CADPS2: variants seen among roughly 807,000 people sequenced by gnomAD.
CADPS2 encodes calcium-dependent secretion activator 2.
Under a neutral mutation model 172.5 loss-of-function variants are expected in CADPS2, and 93 were observed. The ratio of observed to expected loss-of-function variants is 0.54; its 90% CI spans 0.46 to 0.64. CADPS2 has a LOEUF of 0.64. Among genes scored for constraint, CADPS2 ranks in the 30% least tolerant of loss-of-function variants. CADPS2 has a pLI of 0.00. For missense variants in CADPS2, 1,420 were observed against 1,565.9 expected (o/e 0.91, Z 1.57); for synonymous variants, 546 against 555.2 (o/e 0.98, Z 0.23).
chr7:122,435,496 A>G (rs746650600), intron 17 of CADPS2, among the ~76,000 whole-genome samples: 1 of 152,124 alleles, frequency 6.6e-6, no homozygotes, highest in Non-Finnish European at 1.5e-5. Flanking sequence ...ATTTAAAATG[A>G]ACAAACAAAC....
At chr7:122,781,077 T>A (rs1792583340) in intron 1 of CADPS2, among the ~76,000 whole-genome samples, 1 of 152,204 alleles carries the variant, frequency 6.6e-6, no homozygotes, top group Admixed American at 6.5e-5. Flanking sequence ...TATTAATTAA[T>A]ACTTTCTTAC....
intron 1 of CADPS2, among the ~76,000 whole-genome samples, chr7:122,759,852 A>T (rs556383968): frequency 3.9e-5 from 6 of 152,234 alleles, no homozygotes; most frequent in Non-Finnish European, 8.8e-5. Context: ...TAGCTAGCAA[A>T]GGAAGAAGCA....
chr7:122,512,427 G>A (rs1248417823), intron 9 of CADPS2, among the ~76,000 whole-genome samples: 1 of 151,974 alleles, frequency 6.6e-6, no homozygotes, highest in Non-Finnish European at 1.5e-5. Flanking sequence ...GATTTATCAT[G>A]GACTGGAATG....
intron 2 of CADPS2, among the ~76,000 whole-genome samples, chr7:122,720,411 T>C (rs1001555476): frequency 1.3e-5 from 2 of 150,484 alleles, no homozygotes; most frequent in African/African-American, 2.4e-5. Context: ...GATAACTTAA[T>C]AGAGGTTTGT....
chr7:122,404,529 A>T (rs1014039576), intron 20 of CADPS2, among the ~76,000 whole-genome samples: 1 of 152,178 alleles, frequency 6.6e-6, no homozygotes, highest in Non-Finnish European at 1.5e-5. Flanking sequence ...TGCTGGGTCA[A>T]ATAGTATTTC....
intron 29 of CADPS2, among the ~76,000 whole-genome samples, chr7:122,323,873 T>TTTTATATA (rs1390141913): frequency 1.2e-4 from 13 of 112,520 alleles, no homozygotes; most frequent in Admixed American, 3.5e-4. Flanking sequence ...TATGTATATT[T>TTTTATATA]TATATATATA....
chr7:122,669,625 T>C (rs138396641), intron 2 of CADPS2, among the ~76,000 whole-genome samples: 109 of 152,030 alleles, frequency 7.2e-4, no homozygotes, highest in African/African-American at 2.5e-3. Flanking sequence ...CTCTTGGCCC[T>C]ACGTGTAGAG....
intron 4 of CADPS2, among the ~76,000 whole-genome samples, chr7:122,622,096 A>G (rs1368643786): frequency 6.6e-6 from 1 of 152,210 alleles, no homozygotes; most frequent in Non-Finnish European, 1.5e-5. Context: ...TCTATAAAAA[A>G]ATGTTCAGGA....
At chr7:122,431,924 C>CGGGGGT (rs1314885829) in intron 17 of CADPS2, among the ~76,000 whole-genome samples, 340 of 3,568 alleles carry the variant, frequency 0.095, 2 homozygotes, top group Non-Finnish European at 0.12. Flanking sequence ...TCATCGGGGG[C>CGGGGGT]GGGGGTGGGG....
intron 6 of CADPS2, among the ~76,000 whole-genome samples, chr7:122,582,092 TGAA>T (rs3034500): frequency 0.2 from 30,680 of 151,900 alleles, 3,263 homozygotes; most frequent in East Asian, 0.34. Context: ...CAGCACAGCA[TGAA>T]GAAGATGCCA....
intron 3 of CADPS2, among the ~76,000 whole-genome samples, chr7:122,630,377 CAAA>C (rs11357207): frequency 7.8e-6 from 1 of 128,180 alleles, no homozygotes. Context: ...TATGAAGAGT[CAAA>C]AAAAAAAAAA....
intron 8 of CADPS2, among the ~76,000 whole-genome samples, chr7:122,551,348 C>T (rs1355225709): frequency 2.0e-5 from 3 of 152,000 alleles, no homozygotes; most frequent in Non-Finnish European, 4.4e-5. Context: ...TCATTATTCA[C>T]ATTAATATCT....
chr7:122,772,666 T>C (rs1319288073), intron 1 of CADPS2, among the ~76,000 whole-genome samples: 2 of 152,124 alleles, frequency 1.3e-5, no homozygotes, highest in Admixed American at 1.3e-4. Context: ...AAAGATTCTA[T>C]ATAAAGAAAA....
chr7:122,622,538 A>G (rs1587909021), intron 4 of CADPS2, among the ~76,000 whole-genome samples: 1 of 152,224 alleles, frequency 6.6e-6, no homozygotes, highest in East Asian at 1.9e-4. Context: ...AATCATTCTT[A>G]GAGAAGATTA....
chr7:122,752,084 C>A (rs1422912355), intron 1 of CADPS2, among the ~76,000 whole-genome samples: 4 of 151,978 alleles, frequency 2.6e-5, no homozygotes, highest in Admixed American at 1.3e-4. Context: ...AAAACGAATT[C>A]AGGAAGCTAA....
At chr7:122,885,943 C>G (rs1319611167) in intron 1 of CADPS2, 56 bp downstream of exon 1, 2 of 1,559,012 alleles carry the variant, frequency 1.3e-6, no homozygotes, top group African/African-American at 1.4e-5. Flanking sequence ...AGAGCTCTCC[C>G]GGGAGAAAAA....
intron 14 of CADPS2, 28 bp downstream of exon 14, chr7:122,471,347 T>G: frequency 6.4e-7 from 1 of 1,571,962 alleles, no homozygotes; most frequent in Non-Finnish European, 8.7e-7. Flanking sequence ...CCCCATACAT[T>G]TCACTTTGTA....
intron 2 of CADPS2, chr7:122,698,974 A>C (rs2085606123): frequency 1.6e-6 from 2 of 1,217,940 alleles, no homozygotes; most frequent in South Asian, 3.2e-5. Flanking sequence ...ATCTGTTGAC[A>C]ATTAATTTAA....
At chr7:122,543,619 G>A (rs2063321910) in intron 8 of CADPS2, among the ~76,000 whole-genome samples, 1 of 152,082 alleles carries the variant, frequency 6.6e-6, no homozygotes, top group Admixed American at 6.6e-5. Flanking sequence ...GAGGGTGGAT[G>A]TTATAATTTT....
Sources: allele counts gnomAD v4.1 joint callset (sites outside exome capture counted in the v4.1 genomes callset), GRCh38; gene constraint gnomAD v4.1.1; transcripts MANE v1.5; gene names NCBI Gene and HGNC (gene_info 2026-07-23, HGNC 2026-07-21).